MAGI1: variants seen among roughly 807,000 people sequenced by gnomAD.
MAGI1 encodes the protein membrane associated guanylate kinase, WW and PDZ domain containing 1, also known as membrane-associated guanylate kinase, WW and PDZ domain-containing protein 1.
MAGI1 carries 58 observed loss-of-function variants against 139.9 expected under a neutral mutation model. The observed-to-expected ratio is 0.41, with a 90% CI of 0.34 to 0.52. The LOEUF (loss-of-function observed/expected upper bound fraction) is 0.52, where lower values mean the gene tolerates loss of function less well. Among genes scored for constraint, MAGI1 ranks in the 20% least tolerant of loss-of-function variants. MAGI1 has a pLI of 0.12. For synonymous variants in MAGI1, 812 were observed against 737.9 expected (o/e 1.10, Z -1.63); for missense variants, 1,874 against 1,901.6 (o/e 0.99, Z 0.27).
intron 1 of MAGI1, among the ~76,000 whole-genome samples, chr3:65,647,905 A>G (rs1366705480): frequency 6.6e-6 from 1 of 152,184 alleles, no homozygotes; most frequent in Non-Finnish European, 1.5e-5. Context: ...GGCTCTCACC[A>G]CTGTTGTTCA....
At chr3:65,412,596 G>A (rs1430715745) in intron 12 of MAGI1, among the ~76,000 whole-genome samples, 1 of 152,220 alleles carries the variant, frequency 6.6e-6, no homozygotes, top group Non-Finnish European at 1.5e-5. Context: ...TCAAATGCAT[G>A]TATGAATGTG....
At chr3:65,443,463 G>T (rs1001035774) in intron 7 of MAGI1, among the ~76,000 whole-genome samples, 4 of 152,148 alleles carry the variant, frequency 2.6e-5, no homozygotes, top group Non-Finnish European at 5.9e-5. Context: ...TATCTAAGGC[G>T]GATGATTTTA....
chr3:65,764,370 C>T (rs2037300404), intron 1 of MAGI1, among the ~76,000 whole-genome samples: 1 of 152,192 alleles, frequency 6.6e-6, no homozygotes, highest in African/African-American at 2.4e-5. Context: ...GTCCACTCCC[C>T]TCTCCCCCAC....
At chr3:65,581,933 A>G (rs996216959) in intron 2 of MAGI1, among the ~76,000 whole-genome samples, 1 of 152,208 alleles carries the variant, frequency 6.6e-6, no homozygotes, top group Non-Finnish European at 1.5e-5. Context: ...TGCCAGGAAC[A>G]TAGTAGATGT....
At chr3:65,842,945 T>A (rs941536138) in intron 1 of MAGI1, among the ~76,000 whole-genome samples, 3 of 152,078 alleles carry the variant, frequency 2.0e-5, no homozygotes, top group Non-Finnish European at 4.4e-5. Context: ...TCACCATAAA[T>A]AAAATGAAAA....
At chr3:65,490,864 A>AAG in intron 3 of MAGI1, among the ~76,000 whole-genome samples, 1 of 149,348 alleles carries the variant, frequency 6.7e-6, no homozygotes, top group South Asian at 2.1e-4. Flanking sequence ...AAAAGAAAAA[A>AAG]GAAAGAAAAA....
intron 1 of MAGI1, among the ~76,000 whole-genome samples, chr3:65,888,930 G>A (rs1001668599): frequency 6.6e-6 from 1 of 152,104 alleles, no homozygotes; most frequent in Non-Finnish European, 1.5e-5. Flanking sequence ...ATATACAGAT[G>A]CCATATATGT....
intron 1 of MAGI1, among the ~76,000 whole-genome samples, chr3:65,942,399 G>A (rs142967364): frequency 0.016 from 2,489 of 152,200 alleles, 41 homozygotes; most frequent in African/African-American, 0.047. Flanking sequence ...CTATCTTTTA[G>A]TAGCCTCAAA....
At chr3:65,617,445 C>T (rs956111386) in intron 2 of MAGI1, among the ~76,000 whole-genome samples, 3 of 152,228 alleles carry the variant, frequency 2.0e-5, no homozygotes, top group South Asian at 4.1e-4. Context: ...ATGGGAAAAG[C>T]GGCCATTCCA....
At chr3:65,441,982 G>A (rs889204050) in intron 8 of MAGI1, among the ~76,000 whole-genome samples, 9 of 151,982 alleles carry the variant, frequency 5.9e-5, no homozygotes, top group Admixed American at 1.3e-4. Context: ...TGGCAGGTAC[G>A]ATTATGTTTC....
chr3:65,430,836 A>G lies in MAGI1; in HGVS notation c.1409T>C (p.Phe470Ser). The G allele has an allele frequency of 6.2e-7, 1 of 1,613,610 alleles. No homozygotes were observed. Among genetic ancestry groups the G allele is most frequent in the Non-Finnish European group, 8.5e-7 (1 of 1,179,742 alleles). Residue 470 changes from phenylalanine to serine, a missense_variant, in exon 11 of 23, where the codon TTC becomes TCC. Phe to Ser is a radical substitution (Grantham distance 155). This residue lies in a region of MAGI1 where 648 missense variants were observed against 598.1 expected (regional missense o/e 1.08). Transcript: ENST00000402939. ...TRNPSELKGK[F>S]IHTKLRKSSR... ...GCTTTTCCGCAGCTTTGTGTGAATG[A>G]ACTTGCCTTTCAACTCAGAAGGGTT...
At chr3:65,407,065 T>A in intron 12 of MAGI1, among the ~76,000 whole-genome samples, 1 of 152,170 alleles carries the variant, frequency 6.6e-6, no homozygotes, top group Middle Eastern at 3.2e-3. Flanking sequence ...AGTAAACTGA[T>A]CATTAGGAGT....
At chr3:65,636,599 T>TTA (rs1180193704) in intron 1 of MAGI1, among the ~76,000 whole-genome samples, 2 of 152,150 alleles carry the variant, frequency 1.3e-5, no homozygotes, top group Non-Finnish European at 2.9e-5. Context: ...TGGTCACGTA[T>TTA]TAACATTGCC....
At chr3:65,409,851 A>C (rs1945645495) in intron 12 of MAGI1, among the ~76,000 whole-genome samples, 1 of 152,214 alleles carries the variant, frequency 6.6e-6, no homozygotes, top group African/African-American at 2.4e-5. Flanking sequence ...TGTCTGAAAT[A>C]AGTAGCTCCC....
intron 1 of MAGI1, among the ~76,000 whole-genome samples, chr3:65,705,495 T>C (rs2030073592): frequency 6.6e-6 from 1 of 152,226 alleles, no homozygotes; most frequent in South Asian, 2.1e-4. Flanking sequence ...TTACCCTGAT[T>C]TGTACAAAAA....
chr3:65,770,575 C>G (rs916418582), intron 1 of MAGI1, among the ~76,000 whole-genome samples: 2 of 152,152 alleles, frequency 1.3e-5, no homozygotes, highest in African/African-American at 4.8e-5. Context: ...GACTCACAAA[C>G]CATGAGAGCT....
intron 1 of MAGI1, among the ~76,000 whole-genome samples, chr3:66,015,317 T>G (rs1460638228): frequency 6.6e-6 from 1 of 152,168 alleles, no homozygotes; most frequent in Non-Finnish European, 1.5e-5. Context: ...TATAAAGCCC[T>G]GGCTCTGCTG....
chr3:65,711,636 G>A (rs2031434703), intron 1 of MAGI1, among the ~76,000 whole-genome samples: 1 of 152,234 alleles, frequency 6.6e-6, no homozygotes, highest in East Asian at 1.9e-4. Context: ...GGTCATATGG[G>A]TGCGCCTAAT....
rs56719278 is a variant in MAGI1, at chr3:65,530,109, T to C, written c.431-36478A>G. On this transcript the variant is annotated intron_variant, in intron 2 of 22. Coordinates refer to ENST00000402939, the MANE Select transcript of MAGI1 (RefSeq NM_001033057.2). ...TGAATGAATGAAGCAATACCTTGCA[T>C]ATAGCACAAATACAGCAAGCACCTG... Among the ~76,000 whole-genome samples the C allele has an allele frequency of 4.9e-3, 743 of 152,272 alleles. 7 individuals carry two copies. The highest frequency in any genetic ancestry group is 0.017 in the African/African-American group (717 of 41,564).
Sources: gnomAD v4.1 joint callset for allele counts (sites outside exome capture counted in the v4.1 genomes callset) on GRCh38, gnomAD v4.1.1 for gene constraint, gnomAD v4.1.1 regional missense constraint, MANE v1.5 for transcripts, NCBI Gene and HGNC (gene_info 2026-07-23, HGNC 2026-07-21) for gene names.